The following HHAT variants were observed in gnomAD, a reference collection of about 807,000 sequenced individuals.
HHAT encodes protein-cysteine N-palmitoyltransferase HHAT.
Under a neutral mutation model 70.8 loss-of-function variants are expected in HHAT, and 47 were observed. The ratio of observed to expected loss-of-function variants is 0.66; its 90% confidence interval spans 0.53 to 0.85. The LOEUF is 0.85. HHAT is among the 40% of genes least tolerant of loss of function. The pLI is 0.00. For synonymous variants in HHAT, 228 were observed against 247.6 expected (o/e 0.92, Z 0.74); for missense variants, 609 against 604.8 (o/e 1.01, Z -0.07).
intron 2 of HHAT, among the ~76,000 whole-genome samples, chr1:210,354,096 G>T (rs1023356371): frequency 1.3e-5 from 2 of 151,218 alleles, no homozygotes; most frequent in Admixed American, 1.3e-4. Flanking sequence ...CCATTTTTCT[G>T]TACTACTCTC....
intron 8 of HHAT, among the ~76,000 whole-genome samples, chr1:210,469,297 A>G (rs2094159779): frequency 6.6e-6 from 1 of 152,060 alleles, no homozygotes; most frequent in Admixed American, 6.6e-5. Flanking sequence ...ATGTGAGAGG[A>G]GGACTGAGGT....
intron 8 of HHAT, among the ~76,000 whole-genome samples, chr1:210,512,751 C>T (rs1572950210): frequency 6.6e-6 from 1 of 150,760 alleles, no homozygotes; most frequent in African/African-American, 2.4e-5. Context: ...ATCTGAGACA[C>T]GAATATTACA....
intron 7 of HHAT, among the ~76,000 whole-genome samples, chr1:210,422,523 G>T (rs1572331612): frequency 6.6e-6 from 1 of 152,098 alleles, no homozygotes; most frequent in Non-Finnish European, 1.5e-5. Context: ...TCTGTTTCTA[G>T]CTTATTTCAC....
intron 8 of HHAT, among the ~76,000 whole-genome samples, chr1:210,494,721 T>C (rs2094607367): frequency 6.6e-6 from 1 of 152,054 alleles, no homozygotes; most frequent in African/African-American, 2.4e-5. Context: ...GCCTGGCTAA[T>C]TTTTTGTTTT....
At chr1:210,431,804 G>A (rs1387126051) in intron 7 of HHAT, among the ~76,000 whole-genome samples, 1 of 151,788 alleles carries the variant, frequency 6.6e-6, no homozygotes, top group Non-Finnish European at 1.5e-5. Context: ...GAGTTGTTTG[G>A]GAGGCAGCCA....
At chr1:210,368,711 C>G (rs2089259423) in intron 3 of HHAT, among the ~76,000 whole-genome samples, 1 of 152,170 alleles carries the variant, frequency 6.6e-6, no homozygotes, top group African/African-American at 2.4e-5. Context: ...AATAGATACA[C>G]AATACCTGTT....
intron 8 of HHAT, among the ~76,000 whole-genome samples, chr1:210,489,746 A>G (rs2094523142): frequency 6.6e-6 from 1 of 152,182 alleles, no homozygotes; most frequent in South Asian, 2.1e-4. Flanking sequence ...AATCTGGGAA[A>G]ACTGCCCATG....
At chr1:210,646,061 C>G (rs768494126) in intron 11 of HHAT, among the ~76,000 whole-genome samples, 15 of 152,316 alleles carry the variant, frequency 9.8e-5, no homozygotes, top group Non-Finnish European at 1.9e-4. Flanking sequence ...CACCCCCGTG[C>G]TTCAGCAAGT....
intron 4 of HHAT, among the ~76,000 whole-genome samples, chr1:210,393,796 G>A (rs901320892): frequency 6.6e-6 from 1 of 152,124 alleles, no homozygotes; most frequent in African/African-American, 2.4e-5. Flanking sequence ...GGGTGACCAC[G>A]GGTTTGATTT....
intron 9 of HHAT, among the ~76,000 whole-genome samples, chr1:210,526,641 T>G (rs532548958): frequency 9.9e-5 from 15 of 152,248 alleles, no homozygotes; most frequent in Middle Eastern, 6.8e-3. Flanking sequence ...CGCTTCTGTT[T>G]GGGCCTTAGT....
At chr1:210,421,093 A>G (rs1171592482) in intron 7 of HHAT, among the ~76,000 whole-genome samples, 1 of 152,160 alleles carries the variant, frequency 6.6e-6, no homozygotes, top group Non-Finnish European at 1.5e-5. Context: ...TACAATCCCT[A>G]TCAAAGTACC....
intron 10 of HHAT, among the ~76,000 whole-genome samples, chr1:210,620,522 T>G (rs1668620938): frequency 6.6e-6 from 1 of 152,226 alleles, no homozygotes. Context: ...TGTTTCACTG[T>G]GAAAATGAAC....
In HHAT at chr1:210,481,346, A is replaced by G. The variant is rs573709164; in HGVS notation, c.1007+16691A>G. 7.9e-5 allele frequency among the ~76,000 whole-genome samples: 12 copies of G among 152,306 alleles called. No individual in the cohort carries two copies. In the South Asian group the frequency reaches 1.9e-3, roughly 24 times the overall value. Reference sequence around the variant, plus strand: ...ATGCCTTCTTTACCATATGTAGTCAATTCATTCACATTGAACTCATGGCCA... The same window carrying G: ...ATGCCTTCTTTACCATATGTAGTCAGTTCATTCACATTGAACTCATGGCCA... On this transcript the variant is annotated intron_variant, in intron 8 of 11. Transcript: ENST00000261458.
intron 10 of HHAT, among the ~76,000 whole-genome samples, chr1:210,621,319 C>T (rs1668785638): frequency 6.6e-6 from 1 of 152,102 alleles, no homozygotes; most frequent in African/African-American, 2.4e-5. Flanking sequence ...CTGGGGGAGA[C>T]TGATGGGGTT....
intron 1 of HHAT, among the ~76,000 whole-genome samples, chr1:210,340,686 T>A (rs570218283): frequency 6.6e-6 from 1 of 152,360 alleles, no homozygotes; most frequent in South Asian, 2.1e-4. Flanking sequence ...TCATGTGTAT[T>A]TTGATTACAT....
intron 9 of HHAT, among the ~76,000 whole-genome samples, chr1:210,539,898 A>G (rs986377756): frequency 1.3e-5 from 2 of 152,218 alleles, no homozygotes; most frequent in East Asian, 3.8e-4. Flanking sequence ...TTCTTCCTAC[A>G]AGGGCATTCT....
chr1:210,408,819 T>C (rs1205235605), intron 6 of HHAT, among the ~76,000 whole-genome samples: 2 of 152,194 alleles, frequency 1.3e-5, no homozygotes, highest in Non-Finnish European at 2.9e-5. Context: ...CTAATTGTAA[T>C]AAAATATACT....
At chr1:210,668,300 C>A (rs1028001272) in intron 11 of HHAT, among the ~76,000 whole-genome samples, 1 of 152,182 alleles carries the variant, frequency 6.6e-6, no homozygotes, top group Non-Finnish European at 1.5e-5. Context: ...GTTCCTGCTT[C>A]ATTTCCTTTG....
chr1:210,347,367 C>A (rs2086616445), intron 1 of HHAT, among the ~76,000 whole-genome samples: 1 of 152,134 alleles, frequency 6.6e-6, no homozygotes. Flanking sequence ...GTTGTGAAAA[C>A]AAAATGAGAT....
Sources: gnomAD v4.1 joint callset for allele counts (sites outside exome capture counted in the v4.1 genomes callset) on GRCh38, gnomAD v4.1.1 for gene constraint, MANE v1.5 for transcripts, NCBI Gene and HGNC (gene_info 2026-07-23, HGNC 2026-07-21) for gene names.